The following CNTN5 variants were observed in gnomAD, a reference collection of about 807,000 sequenced individuals.
The protein encoded by CNTN5 is contactin 5.
Under a neutral mutation model 129.1 loss-of-function variants are expected in CNTN5, and 77 were observed. That is an observed-to-expected ratio of 0.60 (90% CI 0.50 to 0.72). The LOEUF (loss-of-function observed/expected upper bound fraction) is 0.72. Ranked by LOEUF, CNTN5 falls within the 30% of genes least tolerant of loss-of-function variation. The pLI, the probability that CNTN5 is intolerant of heterozygous loss-of-function variation, is 0.00. For missense variants in CNTN5, 1,478 were observed against 1,328.8 expected, an observed-to-expected ratio of 1.11 and a Z score of -1.75; for synonymous variants, 509 against 465.6, an observed-to-expected ratio of 1.09 and a Z score of -1.20.
At chr11:99,291,547 C>CA (rs971527308) in intron 1 of CNTN5, among the ~76,000 whole-genome samples, 7 of 151,682 alleles carry the variant, frequency 4.6e-5, no homozygotes, top group Non-Finnish European at 7.4e-5. Context: ...CATGAATCTA[C>CA]AAAAAACATG....
At chr11:99,215,907 A>T (rs1001324687) in intron 1 of CNTN5, among the ~76,000 whole-genome samples, 1 of 152,084 alleles carries the variant, frequency 6.6e-6, no homozygotes, top group African/African-American at 2.4e-5. Context: ...TCAGTGCATA[A>T]TGGTTGTATA....
chr11:99,975,347 G>T (rs983832224), intron 8 of CNTN5, among the ~76,000 whole-genome samples: 3 of 152,054 alleles, frequency 2.0e-5, no homozygotes, highest in Non-Finnish European at 4.4e-5. Context: ...GTAGCCCCTT[G>T]GTTTTGACCA....
rs3029363 is a variant in CNTN5, at chr11:99,623,748, TAAAA to T, written c.55+67487_55+67490del. ...GTTTAGCAGAGAAAGATACAAAAAATAAAAAAAAAAAGATAAAAGCTGTGCACTA... is the reference window on the plus strand; with the variant it reads ...GTTTAGCAGAGAAAGATACAAAAAATAAAAAAAGATAAAAGCTGTGCACTA... On this transcript the variant is annotated intron_variant, in intron 3 of 24. Transcript: ENST00000524871. Among the ~76,000 whole-genome samples, 150 of 139,676 alleles carry T rather than the reference TAAAA, an allele frequency of 1.1e-3. 3 individuals are homozygous for T. The East Asian group carries it at 0.026, about 24-fold the overall frequency. 91.6% of individuals were successfully genotyped at this position (139,676 alleles called of 152,430 possible). A position where few individuals can be genotyped will look rare whatever the true frequency, so the allele number is the denominator to read the frequency against.
intron 13 of CNTN5, among the ~76,000 whole-genome samples, chr11:100,170,316 A>G (rs1235770235): frequency 6.6e-6 from 1 of 152,030 alleles, no homozygotes; most frequent in African/African-American, 2.4e-5. Flanking sequence ...GTCAATTTTC[A>G]TTACAAGAAA....
chr11:99,506,264 A>G (rs1317407646), intron 2 of CNTN5, among the ~76,000 whole-genome samples: 2 of 152,146 alleles, frequency 1.3e-5, no homozygotes, highest in Non-Finnish European at 2.9e-5. Flanking sequence ...CAAAATAAGT[A>G]TTTCCATAAT....
At chr11:100,093,349 C>T (rs1317958359) in intron 13 of CNTN5, among the ~76,000 whole-genome samples, 3 of 152,170 alleles carry the variant, frequency 2.0e-5, no homozygotes, top group Non-Finnish European at 2.9e-5. Context: ...TAATCTGGAA[C>T]TCCTGGGCTC....
At chr11:100,004,028 G>C (rs550807278) in intron 9 of CNTN5, 2 of 152,308 alleles carry the variant, frequency 1.3e-5, no homozygotes, top group South Asian at 2.1e-4. Flanking sequence ...TTGTCTTGTG[G>C]TGTGGATCAC....
intron 3 of CNTN5, among the ~76,000 whole-genome samples, chr11:99,653,388 T>G (rs1026641995): frequency 1.3e-5 from 2 of 152,046 alleles, no homozygotes; most frequent in Non-Finnish European, 2.9e-5. Flanking sequence ...AACAGCCAAT[T>G]TATCCATCCA....
At chr11:100,054,683 C>G (rs867076328) in intron 9 of CNTN5, among the ~76,000 whole-genome samples, 17 of 151,830 alleles carry the variant, frequency 1.1e-4, no homozygotes, top group Non-Finnish European at 2.1e-4. Context: ...GTTGTTCTGT[C>G]AGTTACCCGT....
At chr11:99,546,205 T>C (rs1017136456) in intron 2 of CNTN5, among the ~76,000 whole-genome samples, 19 of 152,206 alleles carry the variant, frequency 1.2e-4, no homozygotes, top group Non-Finnish European at 2.8e-4. Flanking sequence ...TGATAAGATC[T>C]ATAAATTTGG....
chr11:99,509,025 A>T (rs548049152), intron 2 of CNTN5, among the ~76,000 whole-genome samples: 1 of 152,138 alleles, frequency 6.6e-6, no homozygotes, highest in Non-Finnish European at 1.5e-5. Flanking sequence ...GTAAATATGA[A>T]GTGGGAAAAA....
chr11:99,064,960 A>G (rs2135226650), intron 1 of CNTN5, among the ~76,000 whole-genome samples: 1 of 152,138 alleles, frequency 6.6e-6, no homozygotes, highest in East Asian at 1.9e-4. Context: ...TTCATATAAA[A>G]TAAAAAGTAT....
intron 1 of CNTN5, among the ~76,000 whole-genome samples, chr11:99,098,342 A>C (rs1866570632): frequency 6.6e-6 from 1 of 152,114 alleles, no homozygotes; most frequent in African/African-American, 2.4e-5. Context: ...TAGTTGACAA[A>C]GTAGGCCATG....
At chr11:99,124,745 TG>T (rs1242488761) in intron 1 of CNTN5, among the ~76,000 whole-genome samples, 2 of 151,758 alleles carry the variant, frequency 1.3e-5, no homozygotes, top group African/African-American at 4.8e-5. Context: ...AAAAGAGGCA[TG>T]TTCCAAATAA....
At position 99,844,995 on chromosome 11, in the gene CNTN5, C is replaced by A; in HGVS notation, c.401+20C>A. 6.2e-7 allele frequency: 1 copy of A among 1,612,094 alleles called. No homozygotes were observed. Among genetic ancestry groups the A allele is most frequent in the Non-Finnish European group, 8.5e-7 (1 of 1,178,868 alleles). On this transcript the variant is annotated intron_variant, in intron 5 of 24. Coordinates refer to ENST00000524871, the MANE Select transcript of CNTN5 (RefSeq NM_014361.4). ...TTACAGGTAGGAATTCACTGTTAATCATTTTTCTTAAGCCTTAAAAACTTT... is the reference window on the plus strand; with the variant it reads ...TTACAGGTAGGAATTCACTGTTAATAATTTTTCTTAAGCCTTAAAAACTTT...
At chr11:99,890,782 A>G (rs2097399717) in intron 6 of CNTN5, among the ~76,000 whole-genome samples, 1 of 152,156 alleles carries the variant, frequency 6.6e-6, no homozygotes, top group African/African-American at 2.4e-5. Flanking sequence ...TATAGAGGGG[A>G]AGCCTGGCAA....
At chr11:99,404,461 G>T (rs1941981174) in intron 2 of CNTN5, among the ~76,000 whole-genome samples, 2 of 150,970 alleles carry the variant, frequency 1.3e-5, no homozygotes, top group Non-Finnish European at 1.5e-5. Flanking sequence ...TTTAGTGAAG[G>T]TGATTTTCTT....
intron 1 of CNTN5, among the ~76,000 whole-genome samples, chr11:99,110,366 G>A (rs1194679708): frequency 6.6e-6 from 1 of 152,064 alleles, no homozygotes; most frequent in Non-Finnish European, 1.5e-5. Context: ...GATTTAGTAT[G>A]GAATATCTCG....
intron 10 of CNTN5, among the ~76,000 whole-genome samples, chr11:100,066,897 T>TTTG: frequency 6.6e-6 from 1 of 152,124 alleles, no homozygotes; most frequent in East Asian, 1.9e-4. Context: ...TACCAGTAAT[T>TTTG]TTGTTGTTTT....
Sources: gnomAD v4.1 joint callset for allele counts (sites outside exome capture counted in the v4.1 genomes callset) on GRCh38, gnomAD v4.1.1 for gene constraint, MANE v1.5 for transcripts, NCBI Gene and HGNC (gene_info 2026-07-23, HGNC 2026-07-21) for gene names.